Variants in SGK3 observed in about 807,000 individuals in gnomAD.
The protein encoded by SGK3 is serum/glucocorticoid regulated kinase family member 3, also known as serine/threonine-protein kinase Sgk3.
Under a neutral mutation model 68.5 loss-of-function variants are expected in SGK3, and 47 were observed. The observed-to-expected ratio is 0.69, with a 90% CI of 0.54 to 0.87. The LOEUF (loss-of-function observed/expected upper bound fraction) is 0.87, where lower values mean the gene tolerates loss of function less well. SGK3 is among the 40% of genes least tolerant of loss of function. The pLI is 0.00. For synonymous variants in SGK3, 181 were observed against 189.1 expected (o/e 0.96, Z 0.35); for missense variants, 479 against 575.5 (o/e 0.83, Z 1.72).
chr8:66,751,666 G>A (rs1805821361), intron 1 of SGK3, among the ~76,000 whole-genome samples: 2 of 151,958 alleles, frequency 1.3e-5, no homozygotes, highest in African/African-American at 4.8e-5. Context: ...TGTGGATATT[G>A]TAATACTATC....
At chr8:66,737,783 T>C (rs910125428) in intron 1 of SGK3, 2 of 152,054 alleles carry the variant, frequency 1.3e-5, no homozygotes, top group African/African-American at 2.4e-5. Context: ...GCCCGGCTAA[T>C]TTTTTGTGTT....
At chr8:66,845,728 A>ATTTATTTATTTC (rs1809983948) in intron 14 of SGK3, among the ~76,000 whole-genome samples, 1 of 148,916 alleles carries the variant, frequency 6.7e-6, no homozygotes, top group Non-Finnish European at 1.5e-5. Context: ...TTATTTATTT[A>ATTTATTTATTTC]TTTATTTATA....
In SGK3 at chr8:66,776,090, A is replaced by C. The variant is rs1184545040; in HGVS notation, c.-121-17526A>C. On this transcript the variant is annotated intron_variant, in intron 1 of 16. Coordinates refer to ENST00000521198, the MANE Select transcript of SGK3 (RefSeq NM_001033578.3). ...AAGAATTGTCATCACCGGAAAACCT[A>C]CGTATATTCTTTCCTCAGAGCTGTT... Among the ~76,000 whole-genome samples the C allele has an allele frequency of 2.0e-5, 3 of 152,320 alleles. No individual in the cohort carries two copies. The East Asian group carries it at 5.8e-4, about 29-fold the overall frequency.
intron 1 of SGK3, among the ~76,000 whole-genome samples, chr8:66,779,582 A>G (rs1585704357): frequency 3.7e-5 from 5 of 136,208 alleles, no homozygotes; most frequent in African/African-American, 1.3e-4. Context: ...ATATATATAT[A>G]TATATATATA....
At chr8:66,828,629 T>A (rs753509200) in intron 6 of SGK3, 25 bp from the exon 7 acceptor site, 1 of 1,613,564 alleles carries the variant, frequency 6.2e-7, no homozygotes, top group Non-Finnish European at 8.5e-7. Flanking sequence ...ATAAGAATGT[T>A]GTTTTTCTTT....
intron 6 of SGK3, among the ~76,000 whole-genome samples, chr8:66,824,835 CAGTCAGTT>C (rs1436761067): frequency 1.3e-5 from 2 of 151,514 alleles, no homozygotes; most frequent in Admixed American, 1.3e-4. Context: ...GTATGATTTA[CAGTCAGTT>C]TTTTAAAAAG....
intron 4 of SGK3, among the ~76,000 whole-genome samples, chr8:66,812,615 A>G (rs1458850497): frequency 6.6e-6 from 1 of 152,106 alleles, no homozygotes. Context: ...CCAACCACTA[A>G]TAATAACAAC....
chr8:66,724,703 G>A (rs1286259255), intron 1 of SGK3, among the ~76,000 whole-genome samples: 1 of 152,248 alleles, frequency 6.6e-6, no homozygotes, highest in East Asian at 1.9e-4. Flanking sequence ...TTGCCTGTGA[G>A]ATGCAGAACA....
rs1033612635 is a variant in SGK3, at chr8:66,798,539, C to T, written c.97-3C>T. 1.2e-6 allele frequency: 2 copies of T among 1,600,040 alleles called. No individual in the cohort carries two copies. The highest frequency in any genetic ancestry group is 1.1e-5 in the South Asian group (1 of 87,736). ...TATATTATGTAATTTTTTATTTCCA[C>T]AGGTTTATAAAGTTCTGGTTTCAGT... On this transcript the variant is annotated splice_region_variant and splice_polypyrimidine_tract_variant and intron_variant, in intron 2 of 16. Coordinates refer to ENST00000521198, the MANE Select transcript of SGK3 (RefSeq NM_001033578.3).
At chr8:66,784,895 A>T (rs919554341) in intron 1 of SGK3, among the ~76,000 whole-genome samples, 1 of 152,090 alleles carries the variant, frequency 6.6e-6, no homozygotes. Context: ...CCACCTTTTT[A>T]AAAAAACTGT....
intron 13 of SGK3, among the ~76,000 whole-genome samples, chr8:66,842,322 G>A (rs1290692373): frequency 6.6e-6 from 1 of 150,378 alleles, no homozygotes; most frequent in Non-Finnish European, 1.5e-5. Context: ...CCAGGTTCAC[G>A]CCATTCTCCT....
At chr8:66,713,032 C>G (rs976589096) in intron 1 of SGK3, among the ~76,000 whole-genome samples, 199 bp downstream of exon 1, 1 of 152,208 alleles carries the variant, frequency 6.6e-6, no homozygotes, top group African/African-American at 2.4e-5. Flanking sequence ...GATCCTGCCT[C>G]GAGATTCCTA....
chr8:66,790,383 G>C (rs1807393494), intron 1 of SGK3, among the ~76,000 whole-genome samples: 3 of 152,300 alleles, frequency 2.0e-5, no homozygotes, highest in Non-Finnish European at 4.4e-5. Flanking sequence ...GGTCTTCTGA[G>C]AGATACAGGC....
At chr8:66,760,334 T>TTC (rs200148682) in intron 1 of SGK3, among the ~76,000 whole-genome samples, 5,917 of 121,504 alleles carry the variant, frequency 0.049, 319 homozygotes, top group African/African-American at 0.19. Flanking sequence ...TTTTTTCTTT[T>TTC]TTTTTTTTTT....
chr8:66,750,964 G>A (rs1052672075), intron 1 of SGK3, among the ~76,000 whole-genome samples: 28 of 150,928 alleles, frequency 1.9e-4, no homozygotes, highest in African/African-American at 5.8e-4. Flanking sequence ...CCAAGATCGC[G>A]CCACTGCACT....
At chr8:66,787,054 CT>C (rs1158064315) in intron 1 of SGK3, among the ~76,000 whole-genome samples, 1 of 148,676 alleles carries the variant, frequency 6.7e-6, no homozygotes, top group African/African-American at 2.5e-5. Flanking sequence ...AGCAATTCTC[CT>C]CCCTCAGCCC....
intron 1 of SGK3, among the ~76,000 whole-genome samples, chr8:66,728,291 A>G (rs559896955): frequency 3.3e-5 from 5 of 151,294 alleles, no homozygotes; most frequent in Admixed American, 2.6e-4. Flanking sequence ...AATGTTTTCA[A>G]TGCTTATCCA....
chr8:66,722,551 C>A (rs950957112), intron 1 of SGK3, among the ~76,000 whole-genome samples: 1 of 152,218 alleles, frequency 6.6e-6, no homozygotes, highest in Admixed American at 6.5e-5. Flanking sequence ...GGATTACAGG[C>A]GTGAGCCGCC....
intron 1 of SGK3, among the ~76,000 whole-genome samples, chr8:66,761,316 T>G (rs1806157886): frequency 6.6e-6 from 1 of 152,116 alleles, no homozygotes; most frequent in South Asian, 2.1e-4. Context: ...GGTTTTTTTG[T>G]TTTTTAACTA....
Sources: allele counts gnomAD v4.1 joint callset (sites outside exome capture counted in the v4.1 genomes callset), GRCh38; gene constraint gnomAD v4.1.1; transcripts MANE v1.5; gene names NCBI Gene and HGNC (gene_info 2026-07-23, HGNC 2026-07-21).